Variants in SHANK2 observed in about 807,000 individuals in gnomAD.
SHANK2 encodes SH3 and multiple ankyrin repeat domains 2.
Under a neutral mutation model 133.7 loss-of-function variants are expected in SHANK2, and 43 were observed. The observed-to-expected ratio is 0.32, with a 90% CI of 0.25 to 0.41. The LOEUF (loss-of-function observed/expected upper bound fraction) is 0.41. SHANK2 is among the 10% of genes least tolerant of loss of function. SHANK2 has a pLI of 1.00. For missense variants in SHANK2, 1,994 were observed against 2,235.8 expected, an observed-to-expected ratio of 0.89 and a Z score of 2.18; for synonymous variants, 1,017 against 952.8, an observed-to-expected ratio of 1.07 and a Z score of -1.24.
intron 6 of SHANK2, among the ~76,000 whole-genome samples, chr11:71,098,908 C>T (rs367604241): frequency 1.2e-4 from 18 of 152,184 alleles, no homozygotes; most frequent in African/African-American, 2.4e-4. Context: ...AACAGAAAAA[C>T]GGGACCATCT....
chr11:70,900,941 T>G (rs1033472292), intron 10 of SHANK2, among the ~76,000 whole-genome samples: 1 of 151,840 alleles, frequency 6.6e-6, no homozygotes, highest in Non-Finnish European at 1.5e-5. Context: ...GAAGGCAGAG[T>G]GTGGGGTCTG....
At chr11:71,084,482 G>A (rs958178603) in intron 8 of SHANK2, among the ~76,000 whole-genome samples, 3 of 152,212 alleles carry the variant, frequency 2.0e-5, no homozygotes, top group African/African-American at 7.2e-5. Flanking sequence ...TCTGTGAGCA[G>A]GCCTGGCTGT....
intron 14 of SHANK2, among the ~76,000 whole-genome samples, chr11:70,704,525 C>T (rs1479821947): frequency 1.3e-5 from 2 of 152,324 alleles, no homozygotes; most frequent in African/African-American, 4.8e-5. Flanking sequence ...CTGTCATTAG[C>T]AGTAAGTGAC....
intron 1 of SHANK2, among the ~76,000 whole-genome samples, chr11:71,238,892 T>C (rs1434449713): frequency 2.0e-5 from 3 of 152,188 alleles, no homozygotes; most frequent in Admixed American, 6.5e-5. Flanking sequence ...ACTTCATTCA[T>C]GGGAAGATGT....
At chr11:71,074,419 G>A (rs1179819635) in intron 9 of SHANK2, among the ~76,000 whole-genome samples, 2 of 152,122 alleles carry the variant, frequency 1.3e-5, no homozygotes, top group Non-Finnish European at 2.9e-5. Context: ...CTCCTCAAAG[G>A]CTGAGTACTG....
chr11:70,750,057 G>T (rs1555037169), intron 14 of SHANK2, among the ~76,000 whole-genome samples: 1 of 152,178 alleles, frequency 6.6e-6, no homozygotes, highest in African/African-American at 2.4e-5. Flanking sequence ...CCTAGTTAAC[G>T]CAGCTAGCAA....
intron 17 of SHANK2, among the ~76,000 whole-genome samples, chr11:70,592,606 C>T (rs1264085680): frequency 6.6e-6 from 1 of 152,054 alleles, no homozygotes; most frequent in Admixed American, 6.5e-5. Flanking sequence ...TCTGTCTGCA[C>T]CCCCCGTTGA....
At chr11:70,816,016 G>A (rs1261502289) in intron 12 of SHANK2, among the ~76,000 whole-genome samples, 5 of 152,300 alleles carry the variant, frequency 3.3e-5, no homozygotes, top group African/African-American at 9.6e-5. Flanking sequence ...CTCTGCCACC[G>A]GGACAATAAC....
intron 10 of SHANK2, among the ~76,000 whole-genome samples, chr11:70,906,338 A>G (rs1392017540): frequency 6.6e-6 from 1 of 152,038 alleles, no homozygotes; most frequent in African/African-American, 2.4e-5. Flanking sequence ...GGCCCTGGAG[A>G]GGCTGTGGAC....
At chr11:70,671,521 G>A (rs1334423065) in intron 15 of SHANK2, among the ~76,000 whole-genome samples, 1 of 152,230 alleles carries the variant, frequency 6.6e-6, no homozygotes, top group Non-Finnish European at 1.5e-5. Context: ...AAGGCTATTA[G>A]CATGTGAGAA....
At chr11:70,536,089 C>T (rs1346797319) in intron 17 of SHANK2, among the ~76,000 whole-genome samples, 1 of 152,236 alleles carries the variant, frequency 6.6e-6, no homozygotes, top group African/African-American at 2.4e-5. Flanking sequence ...CCACCGACAG[C>T]ACCATGCCTG....
In SHANK2 at chr11:71,089,487, A is replaced by C. The variant is rs970408165; in HGVS notation, c.912+2935T>G. ...TAATTTATGTTCGTCTTTCTATCTC[A>C]TGTCTGGTTTCCCCCCACGGGAACA... On this transcript the variant is annotated intron_variant, in intron 8 of 25. Transcript: ENST00000601538. 8.1e-3 allele frequency among the ~76,000 whole-genome samples: 1,223 copies of C among 151,606 alleles called. 17 individuals are homozygous for C. Among genetic ancestry groups the C allele is most frequent in the African/African-American group, 0.028 (1,172 of 41,252 alleles).
intron 14 of SHANK2, among the ~76,000 whole-genome samples, chr11:70,703,320 T>C (rs2154979): frequency 0.36 from 54,324 of 152,028 alleles, 10,645 homozygotes; most frequent in Non-Finnish European, 0.45. Flanking sequence ...CCTCCGGGGG[T>C]AGTACCCATA....
intron 17 of SHANK2, among the ~76,000 whole-genome samples, chr11:70,532,465 G>A (rs1405480512): frequency 1.3e-5 from 2 of 152,168 alleles, no homozygotes; most frequent in South Asian, 2.1e-4. Flanking sequence ...AACGCCTCAA[G>A]TCTATGGGCA....
At chr11:71,142,530 A>T (rs1555105974) in intron 3 of SHANK2, among the ~76,000 whole-genome samples, 1 of 152,106 alleles carries the variant, frequency 6.6e-6, no homozygotes, top group African/African-American at 2.4e-5. Flanking sequence ...ACAAAAAAAA[A>T]TGGCAAACAA....
chr11:70,731,395 T>C (rs959249389), intron 14 of SHANK2, among the ~76,000 whole-genome samples: 2 of 152,212 alleles, frequency 1.3e-5, no homozygotes, highest in Non-Finnish European at 2.9e-5. Context: ...CCAGGCTGAC[T>C]GACATACTCC....
At chr11:70,784,517 C>G (rs1241984387) in intron 14 of SHANK2, among the ~76,000 whole-genome samples, 1 of 151,722 alleles carries the variant, frequency 6.6e-6, no homozygotes, top group Admixed American at 6.6e-5. Flanking sequence ...GTTGGCCAGG[C>G]TGGTCTCGAA....
intron 25 of SHANK2, among the ~76,000 whole-genome samples, chr11:70,484,961 G>A (rs1354500168): frequency 2.0e-5 from 3 of 152,154 alleles, no homozygotes; most frequent in Non-Finnish European, 4.4e-5. Flanking sequence ...GGGCTTTGGC[G>A]AGGCTCTAAA....
intron 11 of SHANK2, among the ~76,000 whole-genome samples, chr11:70,831,628 C>A (rs577049500): frequency 6.6e-6 from 1 of 152,352 alleles, no homozygotes; most frequent in East Asian, 1.9e-4. Context: ...AACTGCCTGA[C>A]AACGGACTGA....
Sources: allele counts gnomAD v4.1 joint callset (sites outside exome capture counted in the v4.1 genomes callset), GRCh38; gene constraint gnomAD v4.1.1; transcripts MANE v1.5; gene names NCBI Gene and HGNC (gene_info 2026-07-23, HGNC 2026-07-21).